Variants in SPEN observed in about 807,000 individuals in gnomAD.
SPEN encodes the protein spen family transcriptional repressor.
In SPEN, 18 loss-of-function variants were observed where a neutral mutation model predicts 269.9. That is an observed-to-expected ratio of 0.07 (90% confidence interval 0.05 to 0.10). The LOEUF is 0.10. SPEN is among the 10% of genes least tolerant of loss of function. The pLI is 1.00. For missense variants in SPEN, 3,822 were observed against 4,631.2 expected (o/e 0.83, Z 5.07); for synonymous variants, 1,726 against 1,765.7 (o/e 0.98, Z 0.56).
chr1:15,891,563 G>C (rs2070789351), intron 3 of SPEN, among the ~76,000 whole-genome samples: 1 of 151,676 alleles, frequency 6.6e-6, no homozygotes, highest in African/African-American at 2.4e-5. Context: ...TGTTAGCCAG[G>C]ATGGTCTTGA....
chr1:15,880,750 C>T (rs932871755), intron 3 of SPEN, among the ~76,000 whole-genome samples: 1 of 152,088 alleles, frequency 6.6e-6, no homozygotes, highest in African/African-American at 2.4e-5. Context: ...AGCCACTGTG[C>T]CCGGCCAATG....
At chr1:15,905,520 C>T (rs976100838) in intron 3 of SPEN, among the ~76,000 whole-genome samples, 1 of 151,932 alleles carries the variant, frequency 6.6e-6, no homozygotes, top group Non-Finnish European at 1.5e-5. Flanking sequence ...CCATGCCTGG[C>T]CTTCATTTTT....
intron 1 of SPEN, among the ~76,000 whole-genome samples, chr1:15,855,879 T>C (rs1056786303): frequency 1.3e-5 from 2 of 151,522 alleles, no homozygotes; most frequent in Admixed American, 6.6e-5. Flanking sequence ...AAAAAAAAAT[T>C]ATGCTGTTTG....
In SPEN at chr1:15,937,717, A is replaced by G. The variant is rs1327415366; in HGVS notation, c.10509+72A>G. 2 of 1,606,320 alleles carry G rather than the reference A, an allele frequency of 1.2e-6. No homozygotes were observed. Among genetic ancestry groups the G allele is most frequent in the African/African-American group, 2.7e-5 (2 of 74,458 alleles). ...CATGTCAAATGTCCTAAGATTCCCT[A>G]GTTAACAGACCCACAAGCTACAGCC... is the stretch of plus-strand genomic sequence containing the variant. On this transcript the variant is annotated intron_variant, in intron 12 of 14. Coordinates refer to ENST00000375759, the MANE Select transcript of SPEN (RefSeq NM_015001.3). This position sits in a 1 kb window ranked among gnomAD's most constrained non-coding sequence, Gnocchi z 5.7.
At chr1:15,886,162 G>A (rs1048888534) in intron 3 of SPEN, among the ~76,000 whole-genome samples, 1 of 152,156 alleles carries the variant, frequency 6.6e-6, no homozygotes, top group African/African-American at 2.4e-5. Flanking sequence ...GTCAGCTGCA[G>A]GGTCTTGTAC....
At chr1:15,855,315 C>A (rs2070375199) in intron 1 of SPEN, among the ~76,000 whole-genome samples, 1 of 151,870 alleles carries the variant, frequency 6.6e-6, no homozygotes, top group African/African-American at 2.4e-5. Flanking sequence ...TGTTATATTC[C>A]CATTATGTTA....
chr1:15,918,144 A>G (rs1189546780), intron 6 of SPEN, among the ~76,000 whole-genome samples: 2 of 152,102 alleles, frequency 1.3e-5, no homozygotes, highest in Non-Finnish European at 2.9e-5. Context: ...GTTATCTGTT[A>G]TTTATTTATT....
rs146941550 is a variant in SPEN, at chr1:15,934,619, C to T, written c.8379C>T (p.Ile2793=). ...SRFHPGSMPV[I]DDRPADAGSG... The stretch of plus-strand genomic sequence containing the variant: ...TCCACCCAGGGTCCATGCCTGTGAT[C>T]GACGATCGTCCGGCAGACGCGGGCT... The change falls in exon 11 of 15, where the codon ATC becomes ATT. Residue 2793 remains isoleucine, a synonymous_variant. Transcript: ENST00000375759. This position sits in a 1 kb window ranked among gnomAD's most constrained non-coding sequence, Gnocchi z 9.2. 2.2e-4 allele frequency: 362 copies of T among 1,613,720 alleles called. No homozygotes were observed. The highest frequency in any genetic ancestry group is 2.5e-4 in the Non-Finnish European group (298 of 1,179,786).
chr1:15,862,413 A>G (rs2148706011), intron 1 of SPEN, among the ~76,000 whole-genome samples: 1 of 152,252 alleles, frequency 6.6e-6, no homozygotes, highest in East Asian at 1.9e-4. Context: ...GTGATTATTT[A>G]TATTCCTGCA....
In SPEN at chr1:15,859,905, C is replaced by CT. The variant is rs34195453; in HGVS notation, c.83+11779dup. ...AGTATAAAGAATGATCAGTTAACAT[C>CT]TTTTTTTTTTTTTTTTTTTTTTTTG... On this transcript the variant is annotated intron_variant, in intron 1 of 14. Transcript: ENST00000375759. 8.3e-4 allele frequency among the ~76,000 whole-genome samples: 66 copies of CT among 79,626 alleles called. 9 individuals are homozygous for CT. Among genetic ancestry groups the CT allele is most frequent in the Admixed American group, 2.4e-3 (12 of 5,064 alleles). 52.2% of individuals were successfully genotyped at this position (79,626 alleles called of 152,430 possible).
Position 15,876,386 on chromosome 1 carries a change from C to T in SPEN, c.589C>T (p.His197Tyr). 6.2e-7 allele frequency: 1 copy of T among 1,614,100 alleles called. No individual in the cohort carries two copies. Residue 197 changes from histidine to tyrosine, a missense_variant, in exon 3 of 15, where the codon CAT becomes TAT. This residue lies in a region of SPEN where 327 missense variants were observed against 350.8 expected (regional missense o/e 0.93). Coordinates refer to ENST00000375759, the MANE Select transcript of SPEN (RefSeq NM_015001.3). ...TCGAAGTCCAAATCGCTTTGATGCT[C>T]ATGACCCCCGATATGAACCTAGGGC... ...RSRSPNRFDA[H>Y]DPRYEPRARE...
In SPEN at chr1:15,928,303, A is replaced by G. The variant is rs1439418900; in HGVS notation, c.2063A>G (p.Tyr688Cys). 3.7e-6 allele frequency: 6 copies of G among 1,614,226 alleles called. No homozygotes were observed. Among genetic ancestry groups the G allele is most frequent in the Non-Finnish European group, 5.1e-6 (6 of 1,180,034 alleles). ...TACAGGGATTACAGGAATGATCCTTATGAACAAGATATTAGGGAATATAGT... is the reference window on the plus strand; with the variant it reads ...TACAGGGATTACAGGAATGATCCTTGTGAACAAGATATTAGGGAATATAGT... ...REYRDYRNDP[Y>C]EQDIREYSYR... The change falls in exon 11 of 15, where the codon TAT (tyrosine) becomes TGT (cysteine). Residue 688 changes from tyrosine to cysteine, a missense_variant. Physicochemically the swap from Tyr to Cys is radical, Grantham distance 194. Transcript: ENST00000375759. This position sits in a 1 kb window ranked among gnomAD's most constrained non-coding sequence, Gnocchi z 5.7.
In SPEN at chr1:15,872,928, G is replaced by A; in HGVS notation, c.196G>A (p.Val66Ile). 1 of 1,607,248 alleles carries A rather than the reference G, an allele frequency of 6.2e-7. No individual in the cohort carries two copies. The highest frequency in any genetic ancestry group is 8.5e-7 in the Non-Finnish European group (1 of 1,174,296). Residue 66 changes from valine (V) to isoleucine (I), a missense_variant, in exon 2 of 15, where the codon GTC (valine) becomes ATC (isoleucine). This residue lies in a region of SPEN where 327 missense variants were observed against 350.8 expected (regional missense o/e 0.93). Transcript: ENST00000375759. ...IKSAQKAHNS[V>I]NKMGDRDLRT... ...AAGTGCACAGAAAGCTCACAACTCG[G>A]TCAACAAAATGGGTGACAGAGACCT...
chr1:15,921,815 A>G (rs1008981407), intron 9 of SPEN, among the ~76,000 whole-genome samples: 1 of 152,278 alleles, frequency 6.6e-6, no homozygotes, highest in Non-Finnish European at 1.5e-5. Context: ...TTTTAAAAAT[A>G]AGATGATAAG....
rs1483464314 is a variant in SPEN, at chr1:15,937,773, G to A, written c.10510-39G>A. 6.2e-7 allele frequency: 1 copy of A among 1,611,220 alleles called. No individual in the cohort carries two copies. Among genetic ancestry groups the A allele is most frequent in the African/African-American group, 1.3e-5 (1 of 74,698 alleles). ...CTGTGTCCAGCATGGCTCAGCGAGG[G>A]GCCATGAGCTCACTTCCTGTTTGTT... On this transcript the variant is annotated intron_variant, in intron 12 of 14. Coordinates refer to ENST00000375759, the MANE Select transcript of SPEN (RefSeq NM_015001.3). This position sits in a 1 kb window ranked among gnomAD's most constrained non-coding sequence, Gnocchi z 5.7.
At chr1:15,860,442 AGTGTGTGTGTGTGTGTGTGTGT>A in intron 1 of SPEN, among the ~76,000 whole-genome samples, 3 of 120,094 alleles carry the variant, frequency 2.5e-5, no homozygotes, top group African/African-American at 9.6e-5. Context: ...GTCCCACTGT[AGTGTGTGTGTGTGTGTGTGTGT>A]GTGTGTGTGT....
In SPEN at chr1:15,934,954, A is replaced by G; in HGVS notation, c.8714A>G (p.Asp2905Gly). 6.2e-7 allele frequency: 1 copy of G among 1,613,780 alleles called. No homozygotes were observed. The highest frequency in any genetic ancestry group is 8.5e-7 in the Non-Finnish European group (1 of 1,179,974). ...CCTGTGATTTCGTCTGTGAAGGCCG[A>G]TAGGCCATCCTTGGAGAAGCCCGAG... ...ASPVISSVKA[D>G]RPSLEKPEPI... The change falls in exon 11 of 15, where the codon GAT (aspartate) becomes GGT (glycine). Residue 2905 changes from aspartate (D) to glycine (G), a missense_variant. This residue lies in a region of SPEN where 329 missense variants were observed against 431.2 expected (regional missense o/e 0.76). Coordinates refer to ENST00000375759, the MANE Select transcript of SPEN (RefSeq NM_015001.3). The surrounding 1 kb of genome is among the most constrained non-coding windows in gnomAD (Gnocchi z 9.2).
chr1:15,935,895 G>A lies in SPEN; in HGVS notation c.9655G>A (p.Val3219Met), dbSNP rs1238606220. 1 of 1,613,024 alleles carries A rather than the reference G, an allele frequency of 6.2e-7. No individual in the cohort carries two copies. Among genetic ancestry groups the A allele is most frequent in the Non-Finnish European group, 8.5e-7 (1 of 1,179,926 alleles). Residue 3219 changes from valine to methionine, a missense_variant, in exon 11 of 15, where the codon GTG becomes ATG. Physicochemically the swap from Val to Met is conservative, Grantham distance 21. Transcript: ENST00000375759. The surrounding 1 kb of genome is among the most constrained non-coding windows in gnomAD (Gnocchi z 7.7). Reference sequence around the variant, plus strand: ...CAGGGCCGCGGATGGGGTGGTGAAGGTGCCACCAGCCAGCAAGGCCCCTCA... The same window carrying A: ...CAGGGCCGCGGATGGGGTGGTGAAGATGCCACCAGCCAGCAAGGCCCCTCA... ...QPRAADGVVK[V>M]PPASKAPQQP... is the part of the protein sequence containing the mutation.
chr1:15,862,303 A>G (rs1325102256), intron 1 of SPEN, among the ~76,000 whole-genome samples: 1 of 152,204 alleles, frequency 6.6e-6, no homozygotes, highest in Non-Finnish European at 1.5e-5. Context: ...ATTATACTTC[A>G]GTTCTTCCTA....
Sources: allele counts gnomAD v4.1 joint callset (sites outside exome capture counted in the v4.1 genomes callset), GRCh38; gene constraint gnomAD v4.1.1; regional missense constraint gnomAD v4.1.1; non-coding constraint Gnocchi (gnomAD v3.1); transcripts MANE v1.5; gene names NCBI Gene and HGNC (gene_info 2026-07-23, HGNC 2026-07-21).